Variants in FGF13 observed in about 807,000 individuals in gnomAD.
FGF13 encodes the protein fibroblast growth factor homologous factor 2.
In FGF13, 2 loss-of-function variants were observed where a neutral mutation model predicts 19.5. The observed-to-expected ratio is 0.10, with a 90% confidence interval of 0.04 to 0.32. The LOEUF (loss-of-function observed/expected upper bound fraction) is 0.32, where lower values mean the gene tolerates loss of function less well. Ranked by LOEUF, FGF13 falls within the 10% of genes least tolerant of loss-of-function variation. The pLI, the probability that FGF13 is intolerant of heterozygous loss-of-function variation, is 1.00. For missense variants in FGF13, 113 were observed against 192.7 expected (o/e 0.59, Z 2.45); for synonymous variants, 72 against 76.9 (o/e 0.94, Z 0.33).
intron 3 of FGF13, among the ~76,000 whole-genome samples, chrX:138,656,665 G>A (rs2089440819): frequency 8.9e-6 from 1 of 111,823 alleles, no homozygotes; most frequent in South Asian, 3.7e-4. Flanking sequence ...GAAGCATATG[G>A]GTTTAACACT....
chrX:138,680,362 C>A (rs760968038), intron 3 of FGF13, among the ~76,000 whole-genome samples: 1 of 112,101 alleles, frequency 8.9e-6, no homozygotes, highest in East Asian at 2.8e-4. Flanking sequence ...CTGGATCCAT[C>A]AGAAGAATCA....
intron 1 of FGF13, among the ~76,000 whole-genome samples, chrX:138,902,772 A>T (rs1036355451): frequency 8.9e-6 from 1 of 111,897 alleles, no homozygotes; most frequent in African/African-American, 3.2e-5. Context: ...TATGTTTGCT[A>T]ATGGCCTCTC....
At position 139,137,055 on chromosome X, in the gene FGF13, AG is replaced by A. The variant is rs2083806911; in HGVS notation, c.-113+66360del. ...GCCTGAGACTGCCAGACATTTAGAT[AG>A]GTCATTCACCTATGTTATCCCATGA... On this transcript the variant is annotated intron_variant, in intron 1 of 2. Coordinates refer to the FGF13 transcript ENST00000421460. 7.1e-5 allele frequency among the ~76,000 whole-genome samples: 8 copies of A among 112,015 alleles called. No homozygotes were observed. In the South Asian group the frequency reaches 3.0e-3, roughly 42 times the overall value.
At chrX:139,100,113 G>A (rs758558650) in intron 1 of FGF13, among the ~76,000 whole-genome samples, 23 of 107,336 alleles carry the variant, frequency 2.1e-4, no homozygotes, top group Non-Finnish European at 3.5e-4. Flanking sequence ...GTAACCGCCA[G>A]GGAGGCAAAA....
chrX:139,108,659 T>C (rs1487024083), intron 1 of FGF13, among the ~76,000 whole-genome samples: 1 of 111,038 alleles, frequency 9.0e-6, no homozygotes, highest in African/African-American at 3.3e-5. Flanking sequence ...GATTTTTATA[T>C]ATATATTTTT....
intron 3 of FGF13, among the ~76,000 whole-genome samples, chrX:138,676,471 C>T (rs1193854698): frequency 9.0e-6 from 1 of 111,507 alleles, no homozygotes; most frequent in Non-Finnish European, 1.9e-5. Context: ...TTTTCTTCAC[C>T]ACTATGTCTC....
In FGF13 at chrX:139,135,584, T is replaced by C. The variant is rs765976227; in HGVS notation, c.-113+67832A>G. Among the ~76,000 whole-genome samples, 4 of 111,865 alleles carry C rather than the reference T, an allele frequency of 3.6e-5. No homozygotes were observed. The South Asian group carries it at 1.5e-3, about 42-fold the overall frequency. On this transcript the variant is annotated intron_variant, in intron 1 of 2. Transcript: ENST00000421460. ...ATCTGGTCTTGGTATCAATGATCAG[T>C]GCTTGGTTATGTGAGGCACCTACTG...
In FGF13 at chrX:138,625,136, T is replaced by C. The variant is rs767982848; in HGVS notation, c.*7714A>G. On this transcript the variant is annotated 3_prime_UTR_variant, in exon 5 of 5. Transcript: ENST00000315930. ...AATGCAAATCAAAACCACAATGTAA[T>C]ATCACACATGTTATTAATAGGAATA... 1 of 110,644 alleles carries C rather than the reference T, an allele frequency of 9.0e-6. No homozygotes were observed. Among genetic ancestry groups the C allele is most frequent in the Non-Finnish European group, 1.9e-5 (1 of 52,953 alleles). The allele number at this position is 110,644 out of a possible 1,213,427, so 9.1% of individuals were successfully genotyped here. A position where few individuals can be genotyped will look rare whatever the true frequency, so the allele number is the denominator to read the frequency against.
chrX:138,935,008 G>C (rs1322638412), intron 1 of FGF13, among the ~76,000 whole-genome samples: 1 of 111,511 alleles, frequency 9.0e-6, no homozygotes, highest in African/African-American at 3.3e-5. Context: ...GCCCTCAGGA[G>C]GGCACCCCAA....
At chrX:139,177,420 C>T (rs2084197265) in intron 1 of FGF13, among the ~76,000 whole-genome samples, 1 of 110,576 alleles carries the variant, frequency 9.0e-6, no homozygotes, top group African/African-American at 3.3e-5. Context: ...AGCCCATTTA[C>T]ATTTAAGGTT....
At chrX:138,923,396 C>T (rs749283283) in intron 1 of FGF13, among the ~76,000 whole-genome samples, 7 of 112,125 alleles carry the variant, frequency 6.2e-5, no homozygotes, top group African/African-American at 1.3e-4. Context: ...AAGGATCAAA[C>T]GGAATATATT....
At chrX:138,978,769 G>T (rs1476655174) in intron 1 of FGF13, among the ~76,000 whole-genome samples, 1 of 112,096 alleles carries the variant, frequency 8.9e-6, no homozygotes. Flanking sequence ...CATACTGCTA[G>T]CAGGTGGCAG....
At chrX:139,069,496 G>T (rs866587478) in intron 1 of FGF13, among the ~76,000 whole-genome samples, 2,637 of 92,940 alleles carry the variant, frequency 0.028, 88 homozygotes, top group African/African-American at 0.1. Flanking sequence ...ATAGCATTGG[G>T]AGATATACCT....
intron 1 of FGF13, among the ~76,000 whole-genome samples, chrX:139,085,210 T>C (rs1245031373): frequency 9.0e-6 from 1 of 111,434 alleles, no homozygotes; most frequent in Non-Finnish European, 1.9e-5. Context: ...TACTTTACAA[T>C]TCAAAAAAAG....
chrX:139,037,198 C>A (rs2092253424), intron 1 of FGF13, among the ~76,000 whole-genome samples: 1 of 111,063 alleles, frequency 9.0e-6, no homozygotes, highest in African/African-American at 3.3e-5. Flanking sequence ...CATTTGGAGT[C>A]AAAAAAGCTG....
chrX:138,994,864 C>A lies in FGF13; in HGVS notation c.-112-130214G>T, dbSNP rs188725036. On this transcript the variant is annotated intron_variant, in intron 1 of 2. Transcript: ENST00000421460. ...GCATTTATCTATGCCAATAAATATT[C>A]TTTCATAATATTCTTTTTAACAACT... 1.0e-4 allele frequency among the ~76,000 whole-genome samples: 11 copies of A among 110,269 alleles called. No homozygotes were observed. In the East Asian group the frequency reaches 2.3e-3, roughly 23 times the overall value.
chrX:139,052,754 C>G (rs908156184), intron 1 of FGF13, among the ~76,000 whole-genome samples: 3 of 111,880 alleles, frequency 2.7e-5, no homozygotes, highest in Non-Finnish European at 5.6e-5. Flanking sequence ...TTGCTTTGAC[C>G]GCTTCCACCT....
At chrX:139,183,983 T>C (rs2084260173) in intron 1 of FGF13, among the ~76,000 whole-genome samples, 1 of 112,047 alleles carries the variant, frequency 8.9e-6, no homozygotes, top group Admixed American at 9.5e-5. Flanking sequence ...AGGAGTCAAA[T>C]GGTCTAAAGT....
intron 1 of FGF13, among the ~76,000 whole-genome samples, chrX:139,163,195 T>C (rs2084050204): frequency 1.8e-5 from 2 of 112,060 alleles, no homozygotes; most frequent in South Asian, 7.5e-4. Flanking sequence ...ATATACACCA[T>C]GGTATACTAT....
Sources: gnomAD v4.1 joint callset for allele counts (sites outside exome capture counted in the v4.1 genomes callset) on GRCh38, gnomAD v4.1.1 for gene constraint, MANE v1.5 for transcripts, NCBI Gene and HGNC (gene_info 2026-07-23, HGNC 2026-07-21) for gene names.